Variants in CNTN5 observed in about 807,000 individuals in gnomAD.
The protein encoded by CNTN5 is contactin-5.
In CNTN5, 77 loss-of-function variants were observed where a neutral mutation model predicts 129.1. The observed-to-expected ratio is 0.60, with a 90% CI of 0.50 to 0.72. The LOEUF (loss-of-function observed/expected upper bound fraction) is 0.72, where lower values mean the gene tolerates loss of function less well. CNTN5 is among the 30% of genes least tolerant of loss of function. The pLI is 0.00. For synonymous variants in CNTN5, 509 were observed against 465.6 expected, an observed-to-expected ratio of 1.09 and a Z score of -1.20; for missense variants, 1,478 against 1,328.8, an observed-to-expected ratio of 1.11 and a Z score of -1.75.
At chr11:99,302,619 AAAT>A (rs144511735) in intron 1 of CNTN5, among the ~76,000 whole-genome samples, 3,600 of 151,812 alleles carry the variant, frequency 0.024, 305 homozygotes, top group East Asian at 0.23. Context: ...TCCACCACTT[AAAT>A]AATTGTCTTT....
intron 3 of CNTN5, among the ~76,000 whole-genome samples, chr11:99,718,740 A>G (rs910860163): frequency 2.0e-5 from 3 of 152,140 alleles, no homozygotes; most frequent in Non-Finnish European, 4.4e-5. Context: ...ACATCTTACT[A>G]TGTACCAAAC....
rs611405 is a variant in CNTN5, at chr11:99,608,999, T to C, written c.55+52730T>C. Among the ~76,000 whole-genome samples, 409 of 152,296 alleles carry C rather than the reference T, an allele frequency of 2.7e-3. 6 individuals carry two copies. Among genetic ancestry groups the C allele is most frequent in the Non-Finnish European group, 1.8e-3 (121 of 68,014 alleles). ...TTCTCACTGATAAATATGCACCCCA[T>C]TTTCTTAAACTTGTCCTTTAGCTTT... On this transcript the variant is annotated intron_variant, in intron 3 of 24. Transcript: ENST00000524871.
chr11:99,917,744 A>G (rs2136019053), intron 7 of CNTN5, among the ~76,000 whole-genome samples: 1 of 152,340 alleles, frequency 6.6e-6, no homozygotes, highest in East Asian at 1.9e-4. Flanking sequence ...TCGGGATTAC[A>G]CATAAATTAT....
chr11:99,194,864 TA>T (rs1237893967), intron 1 of CNTN5, among the ~76,000 whole-genome samples: 3 of 152,122 alleles, frequency 2.0e-5, no homozygotes, highest in African/African-American at 7.2e-5. Flanking sequence ...CTTGTCCTCC[TA>T]AAATGCTAGG....
At chr11:99,578,966 T>G (rs535546212) in intron 3 of CNTN5, among the ~76,000 whole-genome samples, 1 of 152,276 alleles carries the variant, frequency 6.6e-6, no homozygotes, top group Non-Finnish European at 1.5e-5. Flanking sequence ...GTTTTAGGTC[T>G]AACCATGTAA....
At chr11:99,107,439 T>G (rs1434607908) in intron 1 of CNTN5, among the ~76,000 whole-genome samples, 1 of 152,124 alleles carries the variant, frequency 6.6e-6, no homozygotes, top group African/African-American at 2.4e-5. Flanking sequence ...CTTTTAAGAT[T>G]TTACATTACA....
intron 9 of CNTN5, among the ~76,000 whole-genome samples, chr11:100,017,276 C>T (rs1447302025): frequency 6.6e-6 from 1 of 152,024 alleles, no homozygotes; most frequent in Non-Finnish European, 1.5e-5. Flanking sequence ...AGAATATCTT[C>T]AAGCCTCCAC....
chr11:99,057,785 A>AGTGTGT (rs67721084), intron 1 of CNTN5, among the ~76,000 whole-genome samples: 17,554 of 144,870 alleles, frequency 0.12, 1,172 homozygotes, highest in Admixed American at 0.22. Flanking sequence ...ATGAAACATA[A>AGTGTGT]GTGTGTGTGT....
chr11:99,149,760 G>A (rs554011275), intron 1 of CNTN5, among the ~76,000 whole-genome samples: 5 of 152,036 alleles, frequency 3.3e-5, no homozygotes, highest in African/African-American at 1.2e-4. Flanking sequence ...TGGTCATAAA[G>A]TCTCAATTTT....
rs115645214 is a variant in CNTN5 at position 100,197,169 on chromosome 11, G to A, written c.1884+3506G>A. Among the ~76,000 whole-genome samples the A allele has an allele frequency of 4.6e-3, 699 of 152,078 alleles. 4 individuals are homozygous for A. The highest frequency in any genetic ancestry group is 0.016 in the African/African-American group (659 of 41,528). ...CACGTTGGGCAAACAAAGAAGGGCA[G>A]AAGAGCTTAGTGCGTGTTTTGGGAA... On this transcript the variant is annotated intron_variant, in intron 15 of 24. Coordinates refer to ENST00000524871, the MANE Select transcript of CNTN5 (RefSeq NM_014361.4).
Position 99,424,563 on chromosome 11 carries a change from T to C in CNTN5, c.-71+99079T>C, listed in dbSNP as rs780303145. 2.0e-5 allele frequency among the ~76,000 whole-genome samples: 3 copies of C among 152,212 alleles called. 1 individual carries two copies. The South Asian group carries it at 6.2e-4, about 31-fold the overall frequency. On this transcript the variant is annotated intron_variant, in intron 2 of 24. Transcript: ENST00000524871. ...GGCACTGGCACAGTCACGAGCTCCA[T>C]GTGAGGCTGCAGCTGGGCCAGACGT... is the stretch of plus-strand genomic sequence containing the variant.
At chr11:99,946,039 G>GT (rs1480861147) in intron 7 of CNTN5, among the ~76,000 whole-genome samples, 1 of 152,008 alleles carries the variant, frequency 6.6e-6, no homozygotes, top group East Asian at 1.9e-4. Context: ...CAGTTTAACA[G>GT]TTTGTGTGCA....
chr11:99,798,091 C>G (rs1300852175), intron 3 of CNTN5, among the ~76,000 whole-genome samples: 1 of 151,940 alleles, frequency 6.6e-6, no homozygotes, highest in Non-Finnish European at 1.5e-5. Flanking sequence ...GTTATTTTTC[C>G]TGATCCTTTC....
At chr11:99,920,884 T>C (rs1202047822) in intron 7 of CNTN5, among the ~76,000 whole-genome samples, 1 of 152,136 alleles carries the variant, frequency 6.6e-6, no homozygotes, top group Non-Finnish European at 1.5e-5. Flanking sequence ...ATTCAGACCA[T>C]AGAAGGTGGT....
chr11:99,418,279 CT>C (rs200922160), intron 2 of CNTN5, among the ~76,000 whole-genome samples: 74 of 151,702 alleles, frequency 4.9e-4, no homozygotes, highest in African/African-American at 1.6e-3. Flanking sequence ...AAAACAACAA[CT>C]TTAAAAAAAA....
intron 13 of CNTN5, among the ~76,000 whole-genome samples, chr11:100,153,878 T>C (rs1045858471): frequency 1.3e-5 from 2 of 151,656 alleles, no homozygotes; most frequent in African/African-American, 2.4e-5. Flanking sequence ...TGCATATAAG[T>C]TTCAAATCTG....
intron 17 of CNTN5, among the ~76,000 whole-genome samples, chr11:100,263,994 T>C (rs1950252703): frequency 6.6e-6 from 1 of 152,174 alleles, no homozygotes; most frequent in Non-Finnish European, 1.5e-5. Context: ...CTTCGCTAGT[T>C]ACACTTATGT....
At chr11:99,863,124 T>C (rs1167510151) in intron 6 of CNTN5, among the ~76,000 whole-genome samples, 6 of 152,058 alleles carry the variant, frequency 3.9e-5, no homozygotes, top group African/African-American at 1.4e-4. Context: ...TTAGAGAAAA[T>C]AATATCTATC....
At chr11:99,427,789 A>G (rs1223509082) in intron 2 of CNTN5, among the ~76,000 whole-genome samples, 1 of 151,184 alleles carries the variant, frequency 6.6e-6, no homozygotes, top group Non-Finnish European at 1.5e-5. Context: ...AAAAAAAAAA[A>G]AAAGTTAAAA....
Sources: allele counts gnomAD v4.1 joint callset (sites outside exome capture counted in the v4.1 genomes callset), GRCh38; gene constraint gnomAD v4.1.1; transcripts MANE v1.5; gene names NCBI Gene and HGNC (gene_info 2026-07-23, HGNC 2026-07-21).